Variants in NCOR2 observed in about 807,000 individuals in gnomAD.
NCOR2 encodes the protein CTG repeat protein 26.
NCOR2 carries 81 observed loss-of-function variants against 262.9 expected under a neutral mutation model. The observed-to-expected ratio is 0.31, with a 90% CI of 0.26 to 0.37. The LOEUF is 0.37. NCOR2 is among the 10% of genes least tolerant of loss of function. The pLI is 1.00. For synonymous variants in NCOR2, 1,659 were observed against 1,559.3 expected, an observed-to-expected ratio of 1.06 and a Z score of -1.51; for missense variants, 3,385 against 3,621.4, an observed-to-expected ratio of 0.93 and a Z score of 1.68.
At chr12:124,424,421 T>A (rs2043414230) in intron 11 of NCOR2, among the ~76,000 whole-genome samples, 1 of 152,104 alleles carries the variant, frequency 6.6e-6, no homozygotes, top group Non-Finnish European at 1.5e-5. Context: ...CACGAGCCAT[T>A]AAGTAACCGA....
At position 124,389,358 on chromosome 12, in the gene NCOR2, G is replaced by A. The variant is rs1412544346; in HGVS notation, c.1877-3471C>T. On this transcript the variant is annotated intron_variant, in intron 16 of 46. Coordinates refer to ENST00000405201, the Ensembl canonical transcript of NCOR2. This position sits in a 1 kb window ranked among gnomAD's most constrained non-coding sequence, Gnocchi z 4.4. Reference sequence around the variant, plus strand: ...CTCCAGACGGAGGCTCGCGGCGGGCGGGCAGGCGGGCGGGGGAGCGTGGCA... The same window carrying A: ...CTCCAGACGGAGGCTCGCGGCGGGCAGGCAGGCGGGCGGGGGAGCGTGGCA... Among the ~76,000 whole-genome samples, 1 of 152,140 alleles carries A rather than the reference G, an allele frequency of 6.6e-6. No homozygotes were observed. Among genetic ancestry groups the A allele is most frequent in the Non-Finnish European group, 1.5e-5 (1 of 68,008 alleles).
intron 9 of NCOR2, 57 bp downstream of exon 11, chr12:124,430,558 T>A (rs530058667): frequency 6.4e-7 from 1 of 1,552,680 alleles, no homozygotes; most frequent in South Asian, 1.2e-5. Flanking sequence ...CTACTGAGGA[T>A]GCTGGAGCTG....
intron 10 of NCOR2, among the ~76,000 whole-genome samples, chr12:124,427,652 C>A (rs1247804819): frequency 6.6e-6 from 1 of 152,152 alleles, no homozygotes; most frequent in Non-Finnish European, 1.5e-5. Context: ...GGGAGAGAAT[C>A]CCCCCAAGAG....
At chr12:124,515,742 G>A (rs957953116) in intron 1 of NCOR2, among the ~76,000 whole-genome samples, 2 of 118,114 alleles carry the variant, frequency 1.7e-5, no homozygotes, top group Non-Finnish European at 2.0e-5. Context: ...ACAAGTGTGC[G>A]TGTGAGTATA....
In NCOR2 at chr12:124,343,241, G is replaced by A; in HGVS notation, c.4715-15C>T. On this transcript the variant is annotated splice_polypyrimidine_tract_variant and intron_variant, in intron 32 of 46. Transcript: ENST00000405201. ...CGAAAGGCTGCCTGTGGACGGGCAAGGTGGATGCATCGGGCCTCTGGGGCT... is the reference window on the plus strand; with the variant it reads ...CGAAAGGCTGCCTGTGGACGGGCAAAGTGGATGCATCGGGCCTCTGGGGCT... 3.7e-6 allele frequency: 6 copies of A among 1,604,940 alleles called. No homozygotes were observed. The highest frequency in any genetic ancestry group is 5.1e-6 in the Non-Finnish European group (6 of 1,174,740).
intron 1 of NCOR2, among the ~76,000 whole-genome samples, chr12:124,502,009 C>T (rs777638442): frequency 6.6e-6 from 1 of 152,254 alleles, no homozygotes; most frequent in Non-Finnish European, 1.5e-5. Context: ...GAGCTGTTGA[C>T]ACCTTGGGTG....
At position 124,482,770 on chromosome 12, in the gene NCOR2, C is replaced by T. The variant is rs1468196148; in HGVS notation, c.411+826G>A. 1.3e-5 allele frequency among the ~76,000 whole-genome samples: 2 copies of T among 152,140 alleles called. No homozygotes were observed. Among genetic ancestry groups the T allele is most frequent in the African/African-American group, 2.4e-5 (1 of 41,420 alleles). ...AGGCAGCCCCCCATGGAGATGCAGA[C>T]GAGCCTGAAGTTGTCTGGCTCCCCT... is the stretch of plus-strand genomic sequence containing the variant. On this transcript the variant is annotated intron_variant, in intron 3 of 46. Coordinates refer to ENST00000405201, the Ensembl canonical transcript of NCOR2. This position sits in a 1 kb window ranked among gnomAD's most constrained non-coding sequence, Gnocchi z 6.3.
chr12:124,366,024 G>T (rs1372075738), intron 20 of NCOR2, among the ~76,000 whole-genome samples: 1 of 152,162 alleles, frequency 6.6e-6, no homozygotes, highest in Non-Finnish European at 1.5e-5. Flanking sequence ...AGAGAATGCT[G>T]CAGCCACTTT....
chr12:124,427,856 G>T (rs1471219943), intron 10 of NCOR2, among the ~76,000 whole-genome samples: 1 of 152,266 alleles, frequency 6.6e-6, no homozygotes, highest in African/African-American at 2.4e-5. Flanking sequence ...ACCACAGGAA[G>T]CTCCCAGAAG....
chr12:124,398,250 C>G lies in NCOR2; in HGVS notation c.1814-69G>C, dbSNP rs1341005855. 3.2e-6 allele frequency: 5 copies of G among 1,544,924 alleles called. No individual in the cohort carries two copies. The East Asian group carries it at 9.0e-5, about 28-fold the overall frequency. On this transcript the variant is annotated intron_variant, in intron 15 of 46. Transcript: ENST00000405201. ...GGCACTTTGCCTTCTGCCCTTTTCT[C>G]TCCTTTGAGCCAGGGAGGGAGTAGA...
In NCOR2 at chr12:124,372,751, C is replaced by T. The variant is rs1479773359; in HGVS notation, c.2219-141G>A. Reference sequence around the variant, plus strand: ...CCGAGGCTCCTACACACCTGGGCTGCTGCCTAGAGCCCCACCCCTGAGACA... The same window carrying T: ...CCGAGGCTCCTACACACCTGGGCTGTTGCCTAGAGCCCCACCCCTGAGACA... On this transcript the variant is annotated intron_variant, in intron 19 of 46. Coordinates refer to ENST00000405201, the Ensembl canonical transcript of NCOR2. 5.7e-6 allele frequency: 4 copies of T among 706,066 alleles called. No homozygotes were observed. In the Admixed American group the frequency reaches 9.1e-5, roughly 16 times the overall value. 43.7% of individuals were successfully genotyped at this position (706,066 alleles called of 1,614,324 possible). A position where few individuals can be genotyped will look rare whatever the true frequency, so the allele number is the denominator to read the frequency against.
At chr12:124,341,906 G>A in exon 34 of NCOR2, 1 of 1,612,908 alleles carries the variant, frequency 6.2e-7, no homozygotes, top group Non-Finnish European at 8.5e-7. Flanking sequence ...CTGGGCCATG[G>A]CGGTGGCCGC....
chr12:124,477,882 G>C (rs73423641), intron 3 of NCOR2, among the ~76,000 whole-genome samples: 18 of 152,312 alleles, frequency 1.2e-4, no homozygotes, highest in Middle Eastern at 3.4e-3. Flanking sequence ...TCAAGCTAGC[G>C]TGAAAGAGAA....
At chr12:124,556,762 C>T (rs1386894641) in intron 1 of NCOR2, among the ~76,000 whole-genome samples, 2 of 151,916 alleles carry the variant, frequency 1.3e-5, no homozygotes, top group Non-Finnish European at 2.9e-5. Context: ...GCAGGAGAAT[C>T]GCTTCAACTC....
intron 15 of NCOR2, among the ~76,000 whole-genome samples, chr12:124,399,820 C>T (rs929180703): frequency 9.2e-5 from 14 of 152,092 alleles, no homozygotes; most frequent in African/African-American, 3.1e-4. Context: ...AGACGCACAC[C>T]GCTGCCCCCT....
exon 47 of NCOR2, chr12:124,324,998 G>C (rs1049855369): frequency 6.3e-6 from 1 of 157,906 alleles, no homozygotes; most frequent in Admixed American, 6.5e-5. Context: ...GAGGGCGCGG[G>C]GGCTGCGAGC....
chr12:124,494,864 T>A (rs1379347061), intron 1 of NCOR2, among the ~76,000 whole-genome samples: 1 of 152,184 alleles, frequency 6.6e-6, no homozygotes, highest in Admixed American at 6.5e-5. Flanking sequence ...GAGCTCCACA[T>A]TCGCGTGCCA....
At position 124,355,627 on chromosome 12, in the gene NCOR2, GAC is replaced by G; in HGVS notation, c.3242-58_3242-57del. ...CCCAGGAGCGGTCACGTCCCTGCCG[GAC>G]ACACACTCCAGGCTGCACTCCACCT... On this transcript the variant is annotated intron_variant, in intron 23 of 46. Coordinates refer to ENST00000405201, the Ensembl canonical transcript of NCOR2. The G allele has an allele frequency of 2.7e-6, 4 of 1,492,642 alleles. No homozygotes were observed. The South Asian group carries it at 5.5e-5, about 20-fold the overall frequency. 92.5% of individuals were successfully genotyped at this position (1,492,642 alleles called of 1,614,324 possible).
intron 12 of NCOR2, 103 bp from the exon 15 acceptor site, chr12:124,420,158 A>ACCCAC: frequency 1.1e-6 from 1 of 930,626 alleles, no homozygotes; most frequent in Non-Finnish European, 1.7e-6. Context: ...TCTTCCACGT[A>ACCCAC]CCGGCTGGGT....
Sources: allele counts gnomAD v4.1 joint callset (sites outside exome capture counted in the v4.1 genomes callset), GRCh38; gene constraint gnomAD v4.1.1; non-coding constraint Gnocchi (gnomAD v3.1); transcripts MANE v1.5; gene names NCBI Gene and HGNC (gene_info 2026-07-23, HGNC 2026-07-21).